Variants in DENND2A observed in about 807,000 individuals in gnomAD.
DENND2A encodes the protein DENN domain containing 2A.
Under a neutral mutation model 105.3 loss-of-function variants are expected in DENND2A, and 53 were observed. That is an observed-to-expected ratio of 0.50 (90% CI 0.40 to 0.63). The LOEUF (loss-of-function observed/expected upper bound fraction) is 0.63. DENND2A is among the 30% of genes least tolerant of loss of function. The pLI is 0.00. For synonymous variants in DENND2A, 522 were observed against 508.4 expected (o/e 1.03, Z -0.36); for missense variants, 1,138 against 1,279.6 (o/e 0.89, Z 1.69).
chr7:140,601,991 T>A lies in DENND2A; in HGVS notation c.407A>T (p.Asp136Val). 1.2e-6 allele frequency: 2 copies of A among 1,614,184 alleles called. No homozygotes were observed. Among genetic ancestry groups the A allele is most frequent in the Non-Finnish European group, 1.7e-6 (2 of 1,180,018 alleles). Reference sequence around the variant, plus strand: ...CTCTCGGCCTCGGCCCCAGCTAGGATCCACTTCCCGTTCTGGCTGGCTTAG... The same window carrying A: ...CTCTCGGCCTCGGCCCCAGCTAGGAACCACTTCCCGTTCTGGCTGGCTTAG... ...QDLSQPEREV[D>V]PSWGRGREPR... The change falls in exon 3 of 20, where the codon GAT becomes GTT. Residue 136 changes from aspartate to valine, a missense_variant. Around this residue, in one of 2 missense-constraint regions of DENND2A, gnomAD observed 511 missense variants for 499.9 expected, o/e 1.02. Coordinates refer to ENST00000496613, the MANE Select transcript of DENND2A (RefSeq NM_015689.5).
chr7:140,578,215 G>C (rs768769799), intron 5 of DENND2A, among the ~76,000 whole-genome samples: 2 of 152,188 alleles, frequency 1.3e-5, no homozygotes, highest in African/African-American at 2.4e-5. Flanking sequence ...GTGGCCAGGG[G>C]ACATCCTGGG....
chr7:140,539,831 G>A (rs77448387), intron 14 of DENND2A, among the ~76,000 whole-genome samples: 14,406 of 152,268 alleles, frequency 0.095, 883 homozygotes, highest in Admixed American at 0.15. Flanking sequence ...CTTTCTTTAC[G>A]CAGATTTCCA....
rs115951091 is a variant in DENND2A at position 140,585,842 on chromosome 7, C to T, written c.1124-132G>A. On this transcript the variant is annotated intron_variant, in intron 4 of 19. Transcript: ENST00000496613. ...CATATCTGCTGTTTTGCCATCCATG[C>T]GCCCCTCCTGTTGGCAGCAGTCTCT... is the stretch of plus-strand genomic sequence containing the variant. The T allele has an allele frequency of 3.4e-4, 445 of 1,298,296 alleles. No homozygotes were observed. The African/African-American group carries it at 4.9e-3, about 14-fold the overall frequency. The allele number at this position is 1,298,296 out of a possible 1,614,324, so 80.4% of individuals were successfully genotyped here.
chr7:140,524,916 C>T (rs1311330492), intron 16 of DENND2A, among the ~76,000 whole-genome samples: 2 of 146,606 alleles, frequency 1.4e-5, no homozygotes, highest in Admixed American at 6.9e-5. Context: ...AACGGAGTCT[C>T]GCTCTGTCGC....
intron 17 of DENND2A, among the ~76,000 whole-genome samples, chr7:140,522,740 T>G (rs963568261): frequency 6.6e-6 from 1 of 151,702 alleles, no homozygotes; most frequent in Non-Finnish European, 1.5e-5. Flanking sequence ...CCCGAGTAGC[T>G]GGGATTACAG....
intron 15 of DENND2A, among the ~76,000 whole-genome samples, chr7:140,526,509 C>A (rs1796060626): frequency 6.6e-6 from 1 of 152,208 alleles, no homozygotes; most frequent in South Asian, 2.1e-4. Flanking sequence ...TCTCCCATAT[C>A]CCAGAGACCT....
chr7:140,533,629 G>C (rs1796349779), intron 14 of DENND2A, among the ~76,000 whole-genome samples: 1 of 152,206 alleles, frequency 6.6e-6, no homozygotes, highest in South Asian at 2.1e-4. Flanking sequence ...CTGGATGCAT[G>C]GGGCTCCAGG....
At chr7:140,591,178 C>T (rs1386397182) in intron 3 of DENND2A, among the ~76,000 whole-genome samples, 1 of 149,376 alleles carries the variant, frequency 6.7e-6, no homozygotes, top group Non-Finnish European at 1.5e-5. Context: ...ACACCTATAG[C>T]CCCAGTTACT....
chr7:140,562,248 G>A (rs566941923), intron 9 of DENND2A, among the ~76,000 whole-genome samples: 2 of 152,262 alleles, frequency 1.3e-5, no homozygotes, highest in East Asian at 3.9e-4. Context: ...CAGCAGTCCT[G>A]TTCACTGCTC....
chr7:140,588,159 T>C (rs1798864680), intron 3 of DENND2A, among the ~76,000 whole-genome samples: 1 of 152,034 alleles, frequency 6.6e-6, no homozygotes. Context: ...GATCTGCCTG[T>C]CTTGGCCTCC....
chr7:140,555,210 T>G (rs1170773579), intron 12 of DENND2A, among the ~76,000 whole-genome samples: 2 of 151,476 alleles, frequency 1.3e-5, no homozygotes, highest in Admixed American at 1.3e-4. Flanking sequence ...CTCGGCTCAC[T>G]GCAACCTCCG....
At position 140,552,861 on chromosome 7, in the gene DENND2A, A is replaced by G. The variant is rs1485270182; in HGVS notation, c.2037+2775T>C. On this transcript the variant is annotated intron_variant, in intron 12 of 19. Coordinates refer to ENST00000496613, the MANE Select transcript of DENND2A (RefSeq NM_015689.5). ...GGCATTAATTCTTTCTAACAGATTT[A>G]CAGAGAAGTACAAGTTCTACCATGG... is the stretch of plus-strand genomic sequence containing the variant. 2.0e-5 allele frequency among the ~76,000 whole-genome samples: 3 copies of G among 152,296 alleles called. No individual in the cohort carries two copies. The East Asian group carries it at 5.8e-4, about 29-fold the overall frequency.
chr7:140,628,515 C>G (rs962772217), intron 1 of DENND2A, among the ~76,000 whole-genome samples: 1 of 151,602 alleles, frequency 6.6e-6, no homozygotes, highest in African/African-American at 2.4e-5. Context: ...CGGGAAATCC[C>G]CTTTGGCCTA....
At chr7:140,607,698 C>A (rs1348057537) in intron 1 of DENND2A, among the ~76,000 whole-genome samples, 1 of 152,192 alleles carries the variant, frequency 6.6e-6, no homozygotes, top group Non-Finnish European at 1.5e-5. Context: ...GCTGGGCCCA[C>A]AGACACTACT....
intron 9 of DENND2A, among the ~76,000 whole-genome samples, chr7:140,565,727 A>G (rs931182036): frequency 4.6e-5 from 7 of 152,118 alleles, no homozygotes; most frequent in Non-Finnish European, 1.0e-4. Context: ...TGAGGCTGAA[A>G]CCTACTGGGC....
At position 140,601,636 on chromosome 7, in the gene DENND2A, C is replaced by T. The variant is rs1476568045; in HGVS notation, c.762G>A (p.Ser254=). 11 of 1,612,796 alleles carry T rather than the reference C, an allele frequency of 6.8e-6. No homozygotes were observed. Among genetic ancestry groups the T allele is most frequent in the South Asian group, 3.3e-5 (3 of 90,938 alleles). ...DRSLENVYRG[S]EGSPTKPFIN... is the part of the protein sequence containing the mutation. ...TGAAGGGCTTTGTGGGGGAACCCTCCGAGCCCCTATACACGTTCTCAAGGC... is the reference window on the plus strand; with the variant it reads ...TGAAGGGCTTTGTGGGGGAACCCTCTGAGCCCCTATACACGTTCTCAAGGC... The change falls in exon 3 of 20, where the codon TCG becomes TCA. Residue 254 remains serine (S), a synonymous_variant. Transcript: ENST00000496613.
chr7:140,601,927 G>C lies in DENND2A; in HGVS notation c.471C>G (p.Leu157=). ...GTTTCTTGACCTGCTTCAGCACGGA[G>C]AGGGGATCGTTCTGAAAGCGTAGCT... is the stretch of plus-strand genomic sequence containing the variant. The part of the protein sequence containing the change: ...LGKLRFQNDP[L]SVLKQVKKLE... The change falls in exon 3 of 20, where the codon CTC becomes CTG. Residue 157 remains leucine (L), a synonymous_variant. Coordinates refer to ENST00000496613, the MANE Select transcript of DENND2A (RefSeq NM_015689.5). 1.2e-6 allele frequency: 2 copies of C among 1,614,212 alleles called. No individual in the cohort carries two copies. Among genetic ancestry groups the C allele is most frequent in the Non-Finnish European group, 1.7e-6 (2 of 1,180,044 alleles).
chr7:140,574,206 C>T lies in DENND2A; in HGVS notation c.1246-198G>A, dbSNP rs534470054. ...AATTACCAAAACTGTGTGTGATGAG[C>T]GATGTAAATCTAATTCAGTTTCTTT... On this transcript the variant is annotated intron_variant, in intron 5 of 19. Coordinates refer to ENST00000496613, the MANE Select transcript of DENND2A (RefSeq NM_015689.5). Among the ~76,000 whole-genome samples the T allele has an allele frequency of 7.2e-5, 11 of 152,062 alleles. No homozygotes were observed. The South Asian group carries it at 1.9e-3, about 26-fold the overall frequency.
chr7:140,525,081 G>C (rs1215612410), intron 16 of DENND2A, among the ~76,000 whole-genome samples: 1 of 150,978 alleles, frequency 6.6e-6, no homozygotes, highest in Non-Finnish European at 1.5e-5. Context: ...CAGCTACTGA[G>C]GAGACTGAGG....
Sources: gnomAD v4.1 joint callset for allele counts (sites outside exome capture counted in the v4.1 genomes callset) on GRCh38, gnomAD v4.1.1 for gene constraint, gnomAD v4.1.1 regional missense constraint, MANE v1.5 for transcripts, NCBI Gene and HGNC (gene_info 2026-07-23, HGNC 2026-07-21) for gene names.